CYSTM1: variants seen among roughly 807,000 people sequenced by gnomAD.
The protein encoded by CYSTM1 is cysteine-rich transmembrane module-containing protein 1.
In CYSTM1, 4 loss-of-function variants were observed where a neutral mutation model predicts 13.1. That is an observed-to-expected ratio of 0.31 (90% confidence interval 0.15 to 0.70). CYSTM1 has a LOEUF of 0.70. Ranked by LOEUF, CYSTM1 falls within the 30% of genes least tolerant of loss-of-function variation. The pLI is 0.72. For missense variants in CYSTM1, 96 were observed against 121.6 expected, an observed-to-expected ratio of 0.79 and a Z score of 0.99; for synonymous variants, 36 against 42.7, an observed-to-expected ratio of 0.84 and a Z score of 0.62.
At chr5:140,187,593 C>T (rs1348386896) in intron 1 of CYSTM1, among the ~76,000 whole-genome samples, 1 of 152,210 alleles carries the variant, frequency 6.6e-6, no homozygotes, top group Non-Finnish European at 1.5e-5. Flanking sequence ...GTCTCAAACT[C>T]CTAGGCTCAA....
chr5:140,240,061 CAAG>C (rs370163777), intron 2 of CYSTM1, among the ~76,000 whole-genome samples: 109 of 152,146 alleles, frequency 7.2e-4, no homozygotes, highest in African/African-American at 2.6e-3. Flanking sequence ...ACTTGATCTC[CAAG>C]AAGCAGCTCA....
intron 1 of CYSTM1, among the ~76,000 whole-genome samples, chr5:140,192,187 G>C (rs1320502312): frequency 6.6e-6 from 1 of 152,136 alleles, no homozygotes; most frequent in Non-Finnish European, 1.5e-5. Flanking sequence ...ACACTCTCTT[G>C]ATCAGCACCT....
At chr5:140,214,482 T>G (rs916441731) in intron 2 of CYSTM1, among the ~76,000 whole-genome samples, 1 of 152,222 alleles carries the variant, frequency 6.6e-6, no homozygotes, top group African/African-American at 2.4e-5. Flanking sequence ...GAGAGCAGGC[T>G]GGGTTGGCCA....
At chr5:140,192,328 C>T (rs926827130) in intron 1 of CYSTM1, among the ~76,000 whole-genome samples, 2 of 152,106 alleles carry the variant, frequency 1.3e-5, no homozygotes, top group African/African-American at 4.8e-5. Flanking sequence ...ATCTCTATAC[C>T]CCACTACTTA....
At chr5:140,213,137 T>A (rs1021430190) in intron 2 of CYSTM1, among the ~76,000 whole-genome samples, 7 of 151,234 alleles carry the variant, frequency 4.6e-5, no homozygotes, top group Non-Finnish European at 1.0e-4. Context: ...CCATGTATGT[T>A]ATTACCCCTG....
At chr5:140,220,422 G>T (rs1206910272) in intron 2 of CYSTM1, among the ~76,000 whole-genome samples, 1 of 152,178 alleles carries the variant, frequency 6.6e-6, no homozygotes, top group Admixed American at 6.5e-5. Flanking sequence ...AATGAGGAGA[G>T]GGCGGTAATA....
chr5:140,195,782 T>C (rs151132557), intron 2 of CYSTM1, among the ~76,000 whole-genome samples: 22 of 147,882 alleles, frequency 1.5e-4, no homozygotes, highest in African/African-American at 2.5e-4. Flanking sequence ...CAGTGGCTCA[T>C]GCCTGTAATC....
intron 2 of CYSTM1, among the ~76,000 whole-genome samples, chr5:140,231,599 A>G (rs777974851): frequency 6.6e-6 from 1 of 152,260 alleles, no homozygotes; most frequent in Non-Finnish European, 1.5e-5. Flanking sequence ...ACATAATGCC[A>G]TGAAAACCTA....
chr5:140,207,236 C>A (rs766673907), intron 2 of CYSTM1, among the ~76,000 whole-genome samples: 2 of 152,112 alleles, frequency 1.3e-5, no homozygotes, highest in Non-Finnish European at 1.5e-5. Context: ...CTTCTCTGGC[C>A]CCTCAACTAG....
intron 2 of CYSTM1, among the ~76,000 whole-genome samples, chr5:140,220,377 T>C (rs984295994): frequency 2.0e-5 from 3 of 152,172 alleles, no homozygotes; most frequent in Admixed American, 2.0e-4. Flanking sequence ...AGCCATCGTT[T>C]ATTGAATTTT....
intron 1 of CYSTM1, among the ~76,000 whole-genome samples, chr5:140,178,466 T>TC (rs1554131622): frequency 2.5e-4 from 28 of 111,152 alleles, no homozygotes; most frequent in African/African-American, 9.0e-4. Context: ...TTTTTTTTTT[T>TC]CAGAAACAGG....
chr5:140,191,447 A>T (rs1561809738), intron 1 of CYSTM1, among the ~76,000 whole-genome samples: 1 of 152,194 alleles, frequency 6.6e-6, no homozygotes, highest in Non-Finnish European at 1.5e-5. Context: ...ATGAGGGGTA[A>T]GTGGGGAGGA....
At chr5:140,210,369 C>T (rs942725708) in intron 2 of CYSTM1, among the ~76,000 whole-genome samples, 1 of 152,170 alleles carries the variant, frequency 6.6e-6, no homozygotes, top group Admixed American at 6.6e-5. Flanking sequence ...TCCCTAGCCT[C>T]TACCATTAAA....
intron 2 of CYSTM1, among the ~76,000 whole-genome samples, chr5:140,198,903 T>A (rs2126659005): frequency 6.6e-6 from 1 of 152,296 alleles, no homozygotes; most frequent in African/African-American, 2.4e-5. Flanking sequence ...CATGGTGGTT[T>A]GCTGCACCCG....
chr5:140,238,602 C>T (rs1309345903), intron 2 of CYSTM1, among the ~76,000 whole-genome samples: 1 of 152,218 alleles, frequency 6.6e-6, no homozygotes, highest in Admixed American at 6.5e-5. Context: ...GATGCCACTG[C>T]ACTTGCACAT....
At chr5:140,186,300 G>T (rs1311240686) in intron 1 of CYSTM1, among the ~76,000 whole-genome samples, 1 of 152,216 alleles carries the variant, frequency 6.6e-6, no homozygotes, top group Non-Finnish European at 1.5e-5. Context: ...AAAGGAAGAT[G>T]CAGCAAACCT....
At chr5:140,196,590 T>C (rs1167376634) in intron 2 of CYSTM1, among the ~76,000 whole-genome samples, 1 of 152,240 alleles carries the variant, frequency 6.6e-6, no homozygotes, top group East Asian at 1.9e-4. Context: ...TTGTAACAGT[T>C]TTTATCATGC....
chr5:140,227,465 A>C, intron 2 of CYSTM1, among the ~76,000 whole-genome samples: 1 of 152,332 alleles, frequency 6.6e-6, no homozygotes, highest in East Asian at 1.9e-4. Flanking sequence ...GTGCTAGCCT[A>C]GAACTCAGAG....
chr5:140,240,668 T>TCAGTGCACCC (rs1427382500), intron 2 of CYSTM1, among the ~76,000 whole-genome samples: 1 of 152,014 alleles, frequency 6.6e-6, no homozygotes, highest in African/African-American at 2.4e-5. Flanking sequence ...GCTGTGCAGC[T>TCAGTGCACCC]CAGTGCACCC....
Sources: gnomAD v4.1 joint callset for allele counts (sites outside exome capture counted in the v4.1 genomes callset) on GRCh38, gnomAD v4.1.1 for gene constraint, MANE v1.5 for transcripts, NCBI Gene and HGNC (gene_info 2026-07-23, HGNC 2026-07-21) for gene names.